SRBD1: variants seen among roughly 807,000 people sequenced by gnomAD.
SRBD1 encodes S1 RNA-binding domain-containing protein 1.
A neutral mutation model predicts 115.3 loss-of-function variants in SRBD1; 88 were observed. The ratio of observed to expected loss-of-function variants is 0.76; its 90% CI spans 0.64 to 0.91. SRBD1 has a LOEUF of 0.91. Ranked by LOEUF, SRBD1 falls within the 40% of genes least tolerant of loss-of-function variation. The pLI is 0.00. For missense variants in SRBD1, 1,385 were observed against 1,177.4 expected (o/e 1.18, Z -2.58); for synonymous variants, 509 against 407.7 (o/e 1.25, Z -2.99).
rs3835987 is a variant in SRBD1, at chr2:45,449,885, TGCTTCATAAGGGTGATCAGG to T, written c.2049+27088_2049+27107del. On this transcript the variant is annotated intron_variant, in intron 16 of 20. Transcript: ENST00000263736. ...TATGAGCTGAGAAGGCGAAGACCAG[TGCTTCATAAGGGTGATCAGG>T]GCTTCATAAGGGTGATCTGGGTCTA... is the stretch of plus-strand genomic sequence containing the variant. 6.1e-4 allele frequency among the ~76,000 whole-genome samples: 93 copies of T among 152,294 alleles called. 3 individuals are homozygous for T. In the East Asian group the frequency reaches 0.014, roughly 22 times the overall value.
At chr2:45,609,658 C>A (rs1674383978) in intron 1 of SRBD1, among the ~76,000 whole-genome samples, 1 of 152,162 alleles carries the variant, frequency 6.6e-6, no homozygotes, top group South Asian at 2.1e-4. Flanking sequence ...TCTTTCCCAC[C>A]TCAGGTACTC....
intron 14 of SRBD1, among the ~76,000 whole-genome samples, chr2:45,539,229 A>AT (rs1558463657): frequency 1.3e-5 from 2 of 151,848 alleles, no homozygotes; most frequent in Non-Finnish European, 2.9e-5. Flanking sequence ...CAAGAAAGAA[A>AT]TTTTTTTGCT....
chr2:45,471,612 C>G (rs1345773432), intron 16 of SRBD1, among the ~76,000 whole-genome samples: 3 of 152,076 alleles, frequency 2.0e-5, no homozygotes, highest in Admixed American at 1.3e-4. Context: ...GTAATTTAGA[C>G]TTCTACCAGC....
chr2:45,438,373 T>C (rs2103699129), intron 16 of SRBD1, among the ~76,000 whole-genome samples: 1 of 152,280 alleles, frequency 6.6e-6, no homozygotes, highest in East Asian at 1.9e-4. Context: ...TGCAGGCACA[T>C]GTGACCAATA....
chr2:45,495,683 G>A (rs1223745324), intron 14 of SRBD1, among the ~76,000 whole-genome samples: 1 of 152,150 alleles, frequency 6.6e-6, no homozygotes, highest in African/African-American at 2.4e-5. Context: ...GACTAGGCAA[G>A]AGGCAAGGGC....
chr2:45,414,871 CA>C (rs769891278), intron 18 of SRBD1, among the ~76,000 whole-genome samples: 30 of 132,134 alleles, frequency 2.3e-4, no homozygotes, highest in African/African-American at 4.0e-4. Flanking sequence ...TATGTACACA[CA>C]ATATAGTGTG....
At chr2:45,521,172 C>T (rs758680652) in intron 14 of SRBD1, among the ~76,000 whole-genome samples, 2 of 151,966 alleles carry the variant, frequency 1.3e-5, no homozygotes, top group Non-Finnish European at 2.9e-5. Context: ...GTCTCCCGTT[C>T]CAAATCCACT....
chr2:45,548,100 T>C (rs1239771012), intron 12 of SRBD1, among the ~76,000 whole-genome samples: 1 of 151,366 alleles, frequency 6.6e-6, no homozygotes, highest in Non-Finnish European at 1.5e-5. Flanking sequence ...ATAATTAAAA[T>C]TATTTTGATT....
intron 16 of SRBD1, among the ~76,000 whole-genome samples, chr2:45,448,516 T>C (rs998937302): frequency 1.3e-5 from 2 of 152,124 alleles, no homozygotes; most frequent in African/African-American, 4.8e-5. Context: ...CTCAGAGGCC[T>C]GGGAGGTTAC....
intron 8 of SRBD1, among the ~76,000 whole-genome samples, chr2:45,574,036 T>C (rs1262704529): frequency 1.3e-5 from 2 of 151,776 alleles, no homozygotes; most frequent in African/African-American, 4.8e-5. Flanking sequence ...AAAAATAGGG[T>C]TTTTAATTAA....
chr2:45,585,843 AAC>A, intron 4 of SRBD1, 69 bp from the exon 5 acceptor site: 1 of 1,266,054 alleles, frequency 7.9e-7, no homozygotes, highest in South Asian at 1.6e-5. Flanking sequence ...TATAATTTAA[AAC>A]ATAGTATCAA....
At chr2:45,438,721 G>C (rs920884575) in intron 16 of SRBD1, among the ~76,000 whole-genome samples, 1 of 152,082 alleles carries the variant, frequency 6.6e-6, no homozygotes, top group Non-Finnish European at 1.5e-5. Flanking sequence ...GGGTATAAAA[G>C]AACCTTAATG....
intron 15 of SRBD1, among the ~76,000 whole-genome samples, chr2:45,482,336 G>A (rs1669990496): frequency 6.6e-6 from 1 of 151,936 alleles, no homozygotes; most frequent in Non-Finnish European, 1.5e-5. Context: ...GAAAACCTAA[G>A]CAAGTCAAAT....
chr2:45,540,794 T>A (rs942541691), intron 14 of SRBD1, among the ~76,000 whole-genome samples: 3 of 152,098 alleles, frequency 2.0e-5, no homozygotes, highest in African/African-American at 7.2e-5. Flanking sequence ...ACTAGGAAAA[T>A]GCAGATTAAA....
intron 16 of SRBD1, among the ~76,000 whole-genome samples, chr2:45,457,791 C>A (rs904050397): frequency 6.6e-6 from 1 of 151,930 alleles, no homozygotes; most frequent in Non-Finnish European, 1.5e-5. Context: ...AGAAATTTGA[C>A]ACGTGCATTT....
chr2:45,501,565 C>A (rs1670631236), intron 14 of SRBD1, among the ~76,000 whole-genome samples: 1 of 152,152 alleles, frequency 6.6e-6, no homozygotes, highest in South Asian at 2.1e-4. Context: ...ACAGATGGCA[C>A]CTGGAAAATC....
At chr2:45,591,867 C>T (rs190319833) in intron 4 of SRBD1, among the ~76,000 whole-genome samples, 235 of 152,228 alleles carry the variant, frequency 1.5e-3, no homozygotes, top group African/African-American at 4.6e-3. Flanking sequence ...AGCAACTTCC[C>T]GGACATGCAC....
intron 19 of SRBD1, among the ~76,000 whole-genome samples, chr2:45,411,881 T>C (rs1558560627): frequency 6.6e-6 from 1 of 151,938 alleles, no homozygotes; most frequent in Non-Finnish European, 1.5e-5. Context: ...GAGGCCAAGG[T>C]GGGTGGATCA....
At chr2:45,389,637 T>G (rs1356770884) in intron 20 of SRBD1, 38 bp from the exon 21 acceptor site, 1 of 1,580,580 alleles carries the variant, frequency 6.3e-7, no homozygotes, top group Non-Finnish European at 8.6e-7. Flanking sequence ...TAAGGCATTG[T>G]ACTTCCTAGA....
Sources: gnomAD v4.1 joint callset for allele counts (sites outside exome capture counted in the v4.1 genomes callset) on GRCh38, gnomAD v4.1.1 for gene constraint, MANE v1.5 for transcripts, NCBI Gene and HGNC (gene_info 2026-07-23, HGNC 2026-07-21) for gene names.